VAV3: variants seen among roughly 807,000 people sequenced by gnomAD.
VAV3 encodes vav guanine nucleotide exchange factor 3.
In VAV3, 94 loss-of-function variants were observed where a neutral mutation model predicts 131.2. The observed-to-expected ratio is 0.72, with a 90% CI of 0.61 to 0.85. The LOEUF (loss-of-function observed/expected upper bound fraction) is 0.85. Among genes scored for constraint, VAV3 ranks in the 40% least tolerant of loss-of-function variants. The probability of loss-of-function intolerance (pLI) is 0.00; values close to 1 mark genes in which losing one functional copy is unlikely to be tolerated. For missense variants in VAV3, 939 were observed against 1,002.7 expected, an observed-to-expected ratio of 0.94 and a Z score of 0.86; for synonymous variants, 349 against 342.0, an observed-to-expected ratio of 1.02 and a Z score of -0.22.
chr1:107,586,228 A>G (rs775537969), intron 25 of VAV3, among the ~76,000 whole-genome samples: 5 of 151,372 alleles, frequency 3.3e-5, no homozygotes, highest in Non-Finnish European at 5.9e-5. Flanking sequence ...TACCTTCCCT[A>G]CTAGCAAGTG....
At chr1:107,724,352 C>T (rs1194195535) in intron 15 of VAV3, among the ~76,000 whole-genome samples, 1 of 151,588 alleles carries the variant, frequency 6.6e-6, no homozygotes, top group Non-Finnish European at 1.5e-5. Flanking sequence ...TCTGTCCTTT[C>T]TCTGAAGTTA....
At chr1:107,799,859 T>C (rs1478437134) in intron 2 of VAV3, among the ~76,000 whole-genome samples, 5 of 152,148 alleles carry the variant, frequency 3.3e-5, no homozygotes, top group Non-Finnish European at 5.9e-5. Context: ...CCTCCTTCCC[T>C]TCCTGGACTC....
intron 20 of VAV3, among the ~76,000 whole-genome samples, chr1:107,626,884 A>T (rs4353122): frequency 6.6e-6 from 1 of 152,186 alleles, no homozygotes; most frequent in African/African-American, 2.4e-5. Flanking sequence ...TTCTTCTTTG[A>T]CTCTGATGAT....
intron 2 of VAV3, among the ~76,000 whole-genome samples, chr1:107,868,139 G>A (rs145108290): frequency 6.6e-6 from 1 of 152,256 alleles, no homozygotes; most frequent in Non-Finnish European, 1.5e-5. Context: ...CTCCTGTGGG[G>A]CTTTGAAGCA....
intron 1 of VAV3, among the ~76,000 whole-genome samples, chr1:107,961,951 T>C (rs1035769714): frequency 6.6e-6 from 1 of 152,228 alleles, no homozygotes; most frequent in Non-Finnish European, 1.5e-5. Flanking sequence ...ACACTCATTT[T>C]AAAAGGCTGG....
chr1:107,741,080 G>A (rs771207742), intron 15 of VAV3, among the ~76,000 whole-genome samples: 1 of 152,190 alleles, frequency 6.6e-6, no homozygotes, highest in Non-Finnish European at 1.5e-5. Context: ...TACTCATAGC[G>A]GTAGTAGTTG....
rs992393587 is a variant in VAV3 at position 107,596,156 on chromosome 1, A to G, written c.2350+56T>C. 1.9e-6 allele frequency: 3 copies of G among 1,591,636 alleles called. No homozygotes were observed. The African/African-American group carries it at 4.1e-5, about 22-fold the overall frequency. On this transcript the variant is annotated intron_variant, in intron 25 of 26. Coordinates refer to ENST00000370056, the MANE Select transcript of VAV3 (RefSeq NM_006113.5). Reference sequence around the variant, plus strand: ...ATTTGGAAGGAAGATGTTTAATGTTATTGTGCCCCTAATTTTTAAGTGACA... The same window carrying G: ...ATTTGGAAGGAAGATGTTTAATGTTGTTGTGCCCCTAATTTTTAAGTGACA...
At chr1:107,873,607 G>T (rs538036284) in intron 2 of VAV3, among the ~76,000 whole-genome samples, 1 of 152,088 alleles carries the variant, frequency 6.6e-6, no homozygotes, top group Non-Finnish European at 1.5e-5. Flanking sequence ...AGACAAATGC[G>T]CTCCCATTTC....
chr1:107,669,548 T>C, intron 19 of VAV3: 1 of 1,234,854 alleles, frequency 8.1e-7, no homozygotes, highest in Non-Finnish European at 1.0e-6. Context: ...TTCCTATCTT[T>C]GATACTCGGT....
At chr1:107,839,531 C>T (rs1668605397) in intron 2 of VAV3, among the ~76,000 whole-genome samples, 1 of 151,902 alleles carries the variant, frequency 6.6e-6, no homozygotes, top group Non-Finnish European at 1.5e-5. Context: ...AAAATTGGTC[C>T]TTAGAGAAAA....
At chr1:107,882,758 C>G (rs1670843595) in intron 1 of VAV3, among the ~76,000 whole-genome samples, 3 of 152,068 alleles carry the variant, frequency 2.0e-5, no homozygotes, top group Admixed American at 2.0e-4. Flanking sequence ...TCAGTGGGTC[C>G]CAACAGAAGG....
intron 15 of VAV3, among the ~76,000 whole-genome samples, chr1:107,728,699 AAC>A (rs1429855978): frequency 6.6e-6 from 1 of 151,318 alleles, no homozygotes; most frequent in Non-Finnish European, 1.5e-5. Context: ...GGAAAGGCTT[AAC>A]ACACACTACT....
intron 15 of VAV3, among the ~76,000 whole-genome samples, chr1:107,716,585 C>A (rs1208328342): frequency 4.6e-5 from 7 of 152,142 alleles, no homozygotes; most frequent in African/African-American, 1.4e-4. Context: ...GGATGAAGCC[C>A]ACTTGATCAT....
At chr1:107,748,719 A>T (rs1225213412) in intron 15 of VAV3, among the ~76,000 whole-genome samples, 1 of 152,188 alleles carries the variant, frequency 6.6e-6, no homozygotes, top group Non-Finnish European at 1.5e-5. Context: ...GCCTATAAGA[A>T]AGTCAAACAG....
chr1:107,668,880 AT>A, intron 19 of VAV3: 1 of 985,646 alleles, frequency 1.0e-6, no homozygotes, highest in Non-Finnish European at 1.2e-6. Flanking sequence ...AGCTGGCAGT[AT>A]CTTATTACAG....
Position 107,576,498 on chromosome 1 carries a change from G to A in VAV3, c.2351-2300C>T, listed in dbSNP as rs1018346612. 6 of 1,497,462 alleles carry A rather than the reference G, an allele frequency of 4.0e-6. No individual in the cohort carries two copies. The Admixed American group carries it at 1.2e-4, about 29-fold the overall frequency. The allele number at this position is 1,497,462 out of a possible 1,614,324, so 92.8% of individuals were successfully genotyped here. A position where few individuals can be genotyped will look rare whatever the true frequency, so the allele number is the denominator to read the frequency against. On this transcript the variant is annotated intron_variant, in intron 25 of 26. Transcript: ENST00000370056. ...GGGCTTTGAGAAAGAAAGAAAAAGA[G>A]AGAAGCAAAAGAGCATTTAGGTATT...
chr1:107,582,449 G>T (rs148664628), intron 25 of VAV3, among the ~76,000 whole-genome samples: 1 of 151,830 alleles, frequency 6.6e-6, no homozygotes, highest in African/African-American at 2.4e-5. Flanking sequence ...TTTAGGGTAC[G>T]TGTGCACAAT....
chr1:107,760,710 A>G lies in VAV3; in HGVS notation c.1017+74T>C, dbSNP rs571574470. On this transcript the variant is annotated intron_variant, in intron 10 of 26. Transcript: ENST00000370056. ...GGGCCCAACACATGGAATATCTGCAATGTAGTTGATGCTTCATTAATATTT... is the reference window on the plus strand; with the variant it reads ...GGGCCCAACACATGGAATATCTGCAGTGTAGTTGATGCTTCATTAATATTT... The G allele has an allele frequency of 4.3e-6, 5 of 1,165,678 alleles. No homozygotes were observed. In the African/African-American group the frequency reaches 7.6e-5, roughly 18 times the overall value. 72.2% of individuals were successfully genotyped at this position (1,165,678 alleles called of 1,614,324 possible). A position where few individuals can be genotyped will look rare whatever the true frequency, so the allele number is the denominator to read the frequency against.
intron 19 of VAV3, among the ~76,000 whole-genome samples, chr1:107,654,928 C>T (rs188482103): frequency 1.3e-4 from 19 of 151,752 alleles, no homozygotes; most frequent in Admixed American, 1.1e-3. Flanking sequence ...AAACTGTAGG[C>T]TATAAAGAAA....
Sources: allele counts gnomAD v4.1 joint callset (sites outside exome capture counted in the v4.1 genomes callset), GRCh38; gene constraint gnomAD v4.1.1; transcripts MANE v1.5; gene names NCBI Gene and HGNC (gene_info 2026-07-23, HGNC 2026-07-21).